The following SLC37A3 variants were observed in gnomAD, a reference collection of about 807,000 sequenced individuals.
SLC37A3 encodes sugar phosphate exchanger 3.
Under a neutral mutation model 67.1 loss-of-function variants are expected in SLC37A3, and 51 were observed. That is an observed-to-expected ratio of 0.76 (90% CI 0.61 to 0.96). The LOEUF (loss-of-function observed/expected upper bound fraction) is 0.96, where lower values mean the gene tolerates loss of function less well. Ranked by LOEUF, SLC37A3 falls within the 40% of genes least tolerant of loss-of-function variation. The pLI, the probability that SLC37A3 is intolerant of heterozygous loss-of-function variation, is 0.00. For synonymous variants in SLC37A3, 214 were observed against 231.4 expected (o/e 0.92, Z 0.68); for missense variants, 508 against 603.0 (o/e 0.84, Z 1.65).
intron 1 of SLC37A3, among the ~76,000 whole-genome samples, chr7:140,388,709 G>A (rs1156615146): frequency 1.3e-5 from 2 of 151,966 alleles, no homozygotes; most frequent in African/African-American, 2.4e-5. Flanking sequence ...TACTCAGGAG[G>A]CTGAGGCAGG....
rs1563046736 is a variant in SLC37A3 at position 140,380,306 on chromosome 7, G to A, written c.174C>T (p.Asn58=). ...ISEQWTPSAF[N]TSVELPVEIW... ...CCTCCACAGGCAGCTCAACTGACGT[G>A]TTAAAAGCACTTGGGGTCCACTGCT... Residue 58 remains asparagine, a synonymous_variant, in exon 3 of 15, where the codon AAC becomes AAT. Coordinates refer to ENST00000326232, the MANE Select transcript of SLC37A3 (RefSeq NM_207113.3). 2.5e-6 allele frequency: 4 copies of A among 1,612,894 alleles called. No homozygotes were observed. Among genetic ancestry groups the A allele is most frequent in the Non-Finnish European group, 3.4e-6 (4 of 1,179,096 alleles).
At chr7:140,381,292 T>C (rs1447645784) in intron 2 of SLC37A3, among the ~76,000 whole-genome samples, 5 of 150,684 alleles carry the variant, frequency 3.3e-5, no homozygotes, top group African/African-American at 7.3e-5. Context: ...GGTGGGAGGA[T>C]TGCTTGAGCC....
intron 1 of SLC37A3, among the ~76,000 whole-genome samples, chr7:140,397,274 A>G: frequency 7.4e-6 from 1 of 135,556 alleles, no homozygotes. Context: ...GCTCACTGCA[A>G]CCTCCGCCTC....
At chr7:140,363,974 T>G (rs1454824710) in intron 5 of SLC37A3, among the ~76,000 whole-genome samples, 1 of 152,202 alleles carries the variant, frequency 6.6e-6, no homozygotes, top group Non-Finnish European at 1.5e-5. Flanking sequence ...AAGACTCATC[T>G]GGCCAGGCGC....
intron 4 of SLC37A3, among the ~76,000 whole-genome samples, chr7:140,367,254 C>T (rs1478638684): frequency 3.9e-5 from 6 of 151,960 alleles, no homozygotes; most frequent in African/African-American, 1.4e-4. Context: ...CTGGCCAACA[C>T]GATGAAACCC....
chr7:140,371,625 C>T (rs1797824733), intron 3 of SLC37A3, among the ~76,000 whole-genome samples: 1 of 151,908 alleles, frequency 6.6e-6, no homozygotes, highest in Admixed American at 6.6e-5. Flanking sequence ...TGAAAAGAAC[C>T]CATGGTTATT....
rs577229073 is a variant in SLC37A3, at chr7:140,347,103, A to C, written c.1025-1133T>G. 4.0e-5 allele frequency among the ~76,000 whole-genome samples: 6 copies of C among 151,632 alleles called. 1 individual carries two copies. The highest frequency in any genetic ancestry group is 1.5e-4 in the African/African-American group (6 of 41,312). On this transcript the variant is annotated intron_variant, in intron 10 of 14. Transcript: ENST00000326232. ...CAGTGAAATGCCATCTCTACAAAAA[A>C]TACAAAAAAATTAGCTGGGTGTGGT...
At chr7:140,365,919 CTTTTTTTTTTTTTTTTTTTTTT>C (rs71170981) in intron 4 of SLC37A3, among the ~76,000 whole-genome samples, 3 of 43,876 alleles carry the variant, frequency 6.8e-5, no homozygotes, top group South Asian at 2.1e-3. Flanking sequence ...ACAATACATG[CTTTTTTTTTTTTTTTTTTTTTT>C]TTTTTTTTTT....
Position 140,382,559 on chromosome 7 carries a change from T to G in SLC37A3, c.-33A>C, listed in dbSNP as rs750679681. 6.3e-7 allele frequency: 1 copy of G among 1,592,040 alleles called. No individual in the cohort carries two copies. The highest frequency in any genetic ancestry group is 8.6e-7 in the Non-Finnish European group (1 of 1,161,110). ...CTGACCTTCCTTCTCACCTTTGACC[T>G]TAAGGTTTGGATGAGTGATTTACAT... is the stretch of plus-strand genomic sequence containing the variant. On this transcript the variant is annotated 5_prime_UTR_variant, in exon 2 of 15. Coordinates refer to ENST00000326232, the MANE Select transcript of SLC37A3 (RefSeq NM_207113.3).
At chr7:140,377,625 C>A (rs1189956723) in intron 3 of SLC37A3, among the ~76,000 whole-genome samples, 1 of 152,194 alleles carries the variant, frequency 6.6e-6, no homozygotes, top group East Asian at 1.9e-4. Flanking sequence ...GTAAAACACC[C>A]AGAGCTATGC....
intron 13 of SLC37A3, among the ~76,000 whole-genome samples, chr7:140,341,806 G>A (rs1435018265): frequency 2.0e-5 from 3 of 152,132 alleles, no homozygotes; most frequent in Non-Finnish European, 4.4e-5. Context: ...CATTCGTAAG[G>A]AAGGATAACT....
chr7:140,360,122 G>A (rs1797207173), intron 5 of SLC37A3, among the ~76,000 whole-genome samples: 2 of 152,136 alleles, frequency 1.3e-5, no homozygotes, highest in South Asian at 4.1e-4. Context: ...AAAGGAGGGA[G>A]GATCACTTAA....
At chr7:140,369,898 A>C (rs1310494072) in intron 3 of SLC37A3, among the ~76,000 whole-genome samples, 1 of 152,206 alleles carries the variant, frequency 6.6e-6, no homozygotes, top group Non-Finnish European at 1.5e-5. Flanking sequence ...ATCACCTGAT[A>C]TCGGGAGTTC....
At chr7:140,362,427 G>GC (rs1390668852) in intron 5 of SLC37A3, among the ~76,000 whole-genome samples, 1 of 141,302 alleles carries the variant, frequency 7.1e-6, no homozygotes, top group Non-Finnish European at 1.6e-5. Context: ...GTGGGGGGGG[G>GC]GGTCAGCCCC....
rs1798689124 is a variant in SLC37A3, at chr7:140,390,600, A to C, written c.-71+7816T>G. Reference sequence around the variant, plus strand: ...TGTTCCCCATAGATGTCAGGGACTGATCTCCCTCGCACTCCCGTCCCATGG... The same window carrying C: ...TGTTCCCCATAGATGTCAGGGACTGCTCTCCCTCGCACTCCCGTCCCATGG... On this transcript the variant is annotated intron_variant, in intron 1 of 14. Transcript: ENST00000326232. Among the ~76,000 whole-genome samples, 3 of 151,838 alleles carry C rather than the reference A, an allele frequency of 2.0e-5. No individual in the cohort carries two copies. In the South Asian group the frequency reaches 6.3e-4, roughly 32 times the overall value.
In SLC37A3 at chr7:140,369,686, C is replaced by T. The variant is rs762750990; in HGVS notation, c.199-4G>A. 4.3e-6 allele frequency: 7 copies of T among 1,612,026 alleles called. No homozygotes were observed. The highest frequency in any genetic ancestry group is 5.9e-6 in the Non-Finnish European group (7 of 1,178,830). On this transcript the variant is annotated splice_region_variant and splice_polypyrimidine_tract_variant and intron_variant, in intron 3 of 14. Transcript: ENST00000326232. The stretch of plus-strand genomic sequence containing the variant: ...ACAAATGGTTGCTGCTCCAGATCTA[C>T]AGTAAGACAGCAGGAACAGGTCAGT...
chr7:140,360,275 G>A (rs1400023719), intron 5 of SLC37A3, among the ~76,000 whole-genome samples: 2 of 152,008 alleles, frequency 1.3e-5, no homozygotes, highest in African/African-American at 2.4e-5. Flanking sequence ...GAGCTTGGGA[G>A]TTCAAGGCTG....
chr7:140,377,955 T>C (rs1434455772), intron 3 of SLC37A3, among the ~76,000 whole-genome samples: 3 of 152,194 alleles, frequency 2.0e-5, no homozygotes, highest in Non-Finnish European at 4.4e-5. Flanking sequence ...CAGGCCGGCC[T>C]CTTCCCTTTG....
chr7:140,347,416 T>C (rs566892290), intron 10 of SLC37A3, among the ~76,000 whole-genome samples: 98 of 152,178 alleles, frequency 6.4e-4, no homozygotes, highest in Non-Finnish European at 1.0e-3. Flanking sequence ...CTATTGGACA[T>C]CTGGTGTGTC....
Sources: allele counts gnomAD v4.1 joint callset (sites outside exome capture counted in the v4.1 genomes callset), GRCh38; gene constraint gnomAD v4.1.1; transcripts MANE v1.5; gene names NCBI Gene and HGNC (gene_info 2026-07-23, HGNC 2026-07-21).